SLC26A7: variants seen among roughly 807,000 people sequenced by gnomAD.
SLC26A7 encodes the protein anion exchange transporter.
A neutral mutation model predicts 82.5 loss-of-function variants in SLC26A7; 59 were observed. The ratio of observed to expected loss-of-function variants is 0.72; its 90% confidence interval spans 0.58 to 0.89. The LOEUF (loss-of-function observed/expected upper bound fraction) is 0.89. Ranked by LOEUF, SLC26A7 falls within the 40% of genes least tolerant of loss-of-function variation. SLC26A7 has a pLI of 0.00. For synonymous variants in SLC26A7, 271 were observed against 274.3 expected (o/e 0.99, Z 0.12); for missense variants, 820 against 793.0 (o/e 1.03, Z -0.41).
intron 4 of SLC26A7, among the ~76,000 whole-genome samples, chr8:91,301,481 A>G (rs945311368): frequency 6.6e-6 from 1 of 152,044 alleles, no homozygotes; most frequent in African/African-American, 2.4e-5. Context: ...ATTTTTATCT[A>G]TCTTTTCAAA....
intron 11 of SLC26A7, among the ~76,000 whole-genome samples, chr8:91,361,229 C>T (rs759092509): frequency 1.4e-4 from 21 of 151,680 alleles, no homozygotes; most frequent in Non-Finnish European, 7.4e-5. Flanking sequence ...ATAAATAATC[C>T]AGACAAAGGA....
At chr8:91,348,599 G>C (rs1170413038) in intron 9 of SLC26A7, among the ~76,000 whole-genome samples, 2 of 152,140 alleles carry the variant, frequency 1.3e-5, no homozygotes, top group Non-Finnish European at 2.9e-5. Context: ...TGGAAAGAAG[G>C]AGTTAAAGAG....
intron 15 of SLC26A7, among the ~76,000 whole-genome samples, chr8:91,377,697 G>C (rs1814555142): frequency 6.6e-6 from 1 of 152,216 alleles, no homozygotes; most frequent in Non-Finnish European, 1.5e-5. Context: ...GACACCCTAA[G>C]AGTTTGGTGG....
At chr8:91,255,612 A>G (rs947051106) in intron 2 of SLC26A7, among the ~76,000 whole-genome samples, 1 of 152,130 alleles carries the variant, frequency 6.6e-6, no homozygotes, top group Non-Finnish European at 1.5e-5. Flanking sequence ...ATGAAAATAT[A>G]GAAGAGCTGT....
At position 91,396,639 on chromosome 8, in the gene SLC26A7, AGT is replaced by A. The variant is rs898415652; in HGVS notation, c.*1545_*1546del. 12 of 152,102 alleles carry A rather than the reference AGT, an allele frequency of 7.9e-5. No homozygotes were observed. The highest frequency in any genetic ancestry group is 1.8e-4 in the Non-Finnish European group (12 of 67,904). The allele number at this position is 152,102 out of a possible 1,614,324, so 9.4% of individuals were successfully genotyped here. On this transcript the variant is annotated 3_prime_UTR_variant, in exon 19 of 19. Transcript: ENST00000276609. ...TTGATTGAAATGAACTACAAAGAAT[AGT>A]GTTTGTCCCTATGGTAGCCTCAGTC...
intron 9 of SLC26A7, among the ~76,000 whole-genome samples, chr8:91,350,497 A>G (rs1172417368): frequency 1.3e-5 from 2 of 152,010 alleles, no homozygotes; most frequent in Non-Finnish European, 2.9e-5. Flanking sequence ...CTATCACCCT[A>G]AAAAGTTTTC....
In SLC26A7 at chr8:91,249,907, A is replaced by G. The variant is rs1196613118; in HGVS notation, c.193+63A>G. On this transcript the variant is annotated intron_variant, in intron 2 of 18. Coordinates refer to ENST00000276609, the MANE Select transcript of SLC26A7 (RefSeq NM_052832.4). Reference sequence around the variant, plus strand: ...GTAGATGTCACTTTGCTTCCTTGGAATAATACTATGACCTAGAATAAACAA... The same window carrying G: ...GTAGATGTCACTTTGCTTCCTTGGAGTAATACTATGACCTAGAATAAACAA... The G allele has an allele frequency of 4.6e-6, 6 of 1,293,740 alleles. No individual in the cohort carries two copies. The Admixed American group carries it at 1.6e-4, about 35-fold the overall frequency. The allele number at this position is 1,293,740 out of a possible 1,614,324, so 80.1% of individuals were successfully genotyped here.
chr8:91,210,142 T>G (rs1337569224), intron 1 of SLC26A7, among the ~76,000 whole-genome samples: 1 of 152,180 alleles, frequency 6.6e-6, no homozygotes, highest in Non-Finnish European at 1.5e-5. Context: ...GTAATAGAGT[T>G]TCTGGCCCTC....
chr8:91,333,514 T>A (rs1813153072), intron 5 of SLC26A7, among the ~76,000 whole-genome samples: 1 of 152,166 alleles, frequency 6.6e-6, no homozygotes. Flanking sequence ...TTCCCAGGTT[T>A]CTTCATTTAC....
chr8:91,228,130 G>C (rs1227778214), intron 2 of SLC26A7, among the ~76,000 whole-genome samples: 1 of 152,184 alleles, frequency 6.6e-6, no homozygotes, highest in African/African-American at 2.4e-5. Context: ...AATTAAAGAA[G>C]GGACTTTTAA....
intron 1 of SLC26A7, among the ~76,000 whole-genome samples, chr8:91,213,517 G>C (rs566023235): frequency 6.6e-6 from 1 of 152,276 alleles, no homozygotes; most frequent in South Asian, 2.1e-4. Context: ...GCTTTAAGCA[G>C]GGAACTGAAT....
Position 91,337,872 on chromosome 8 carries a change from C to A in SLC26A7, c.796-278C>A, listed in dbSNP as rs533099072. ...ACACTCCTGTATCCTGTAGTTTTTC[C>A]TCTTCAAAATTGGACATAATTGGGT... On this transcript the variant is annotated intron_variant, in intron 6 of 18. Transcript: ENST00000276609. Among the ~76,000 whole-genome samples the A allele has an allele frequency of 6.6e-5, 10 of 152,196 alleles. No homozygotes were observed. The South Asian group carries it at 2.1e-3, about 32-fold the overall frequency.
At chr8:91,215,059 T>G (rs1361024530) in intron 1 of SLC26A7, among the ~76,000 whole-genome samples, 3 of 152,136 alleles carry the variant, frequency 2.0e-5, no homozygotes, top group East Asian at 3.9e-4. Context: ...ATCTCCTTCT[T>G]CCACTTTAAC....
intron 4 of SLC26A7, among the ~76,000 whole-genome samples, chr8:91,304,745 G>A (rs1812257705): frequency 2.0e-5 from 3 of 152,126 alleles, no homozygotes; most frequent in South Asian, 4.1e-4. Context: ...CTAGGGCCAG[G>A]CATTGTTCTA....
At position 91,297,204 on chromosome 8, in the gene SLC26A7, G is replaced by A. The variant is rs145795525; in HGVS notation, c.477+1501G>A. Among the ~76,000 whole-genome samples, 3 of 152,144 alleles carry A rather than the reference G, an allele frequency of 2.0e-5. No homozygotes were observed. In the East Asian group the frequency reaches 5.8e-4, roughly 29 times the overall value. Reference sequence around the variant, plus strand: ...TAGTTTTAGGTTGTTTAATAGTGTAGTATTAGTTTTAGGTATATATTAGTA... The same window carrying A: ...TAGTTTTAGGTTGTTTAATAGTGTAATATTAGTTTTAGGTATATATTAGTA... On this transcript the variant is annotated intron_variant, in intron 4 of 18. Transcript: ENST00000276609.
chr8:91,236,969 T>C (rs1404479520), intron 2 of SLC26A7, among the ~76,000 whole-genome samples: 1 of 152,210 alleles, frequency 6.6e-6, no homozygotes, highest in South Asian at 2.1e-4. Flanking sequence ...ATTATTTCAT[T>C]TAATCCTTCT....
chr8:91,238,342 C>T (rs1294137530), intron 2 of SLC26A7, among the ~76,000 whole-genome samples: 4 of 151,762 alleles, frequency 2.6e-5, no homozygotes, highest in South Asian at 2.1e-4. Flanking sequence ...CCCTGCCTTC[C>T]ACTGGTTGTC....
chr8:91,302,818 CTT>C lies in SLC26A7; in HGVS notation c.477+7130_477+7131del, dbSNP rs11333572. Among the ~76,000 whole-genome samples the C allele has an allele frequency of 2.2e-3, 285 of 129,588 alleles. 1 individual carries two copies. Among genetic ancestry groups the C allele is most frequent in the South Asian group, 0.021 (87 of 4,068 alleles). 85.0% of individuals were successfully genotyped at this position (129,588 alleles called of 152,430 possible). On this transcript the variant is annotated intron_variant, in intron 4 of 18. Transcript: ENST00000276609. ...TGAATGTAATGTCCCTTCCCCTTCTCTTTTTTTTTTTTTTTTGGTCTGGTTTC... is the reference window on the plus strand; with the variant it reads ...TGAATGTAATGTCCCTTCCCCTTCTCTTTTTTTTTTTTTTGGTCTGGTTTC...
chr8:91,234,269 G>T (rs1007779876), intron 2 of SLC26A7, among the ~76,000 whole-genome samples: 1 of 151,980 alleles, frequency 6.6e-6, no homozygotes, highest in Non-Finnish European at 1.5e-5. Flanking sequence ...CAAGTCTATT[G>T]GACATATCAC....
Sources: allele counts gnomAD v4.1 joint callset (sites outside exome capture counted in the v4.1 genomes callset), GRCh38; gene constraint gnomAD v4.1.1; transcripts MANE v1.5; gene names NCBI Gene and HGNC (gene_info 2026-07-23, HGNC 2026-07-21).